RAF1: variants seen among roughly 807,000 people sequenced by gnomAD.
The protein encoded by RAF1 is Raf-1 proto-oncogene, serine/threonine kinase, also known as RAF proto-oncogene serine/threonine-protein kinase.
RAF1 carries 27 observed loss-of-function variants against 81.1 expected under a neutral mutation model. That is an observed-to-expected ratio of 0.33 (90% CI 0.25 to 0.46). RAF1 has a LOEUF of 0.46. RAF1 is among the 20% of genes least tolerant of loss of function. RAF1 has a pLI of 1.00. For synonymous variants in RAF1, 298 were observed against 294.0 expected, an observed-to-expected ratio of 1.01 and a Z score of -0.14; for missense variants, 598 against 826.0, an observed-to-expected ratio of 0.72 and a Z score of 3.38.
chr3:12,642,501 G>C (rs1474492108), intron 1 of RAF1, among the ~76,000 whole-genome samples: 2 of 150,656 alleles, frequency 1.3e-5, no homozygotes, highest in African/African-American at 4.9e-5. Context: ...AACAGAGCGA[G>C]ACTCCATCTC....
intron 1 of RAF1, among the ~76,000 whole-genome samples, chr3:12,647,647 A>G (rs1428421129): frequency 6.6e-6 from 1 of 152,194 alleles, no homozygotes; most frequent in African/African-American, 2.4e-5. Context: ...TGGTCACAAC[A>G]CTGGAAAAAA....
At chr3:12,605,649 A>G (rs1271386462) in intron 6 of RAF1, among the ~76,000 whole-genome samples, 1 of 152,226 alleles carries the variant, frequency 6.6e-6, no homozygotes, top group African/African-American at 2.4e-5. Context: ...TGAGCAGTAG[A>G]TAAACGCAAC....
chr3:12,598,009 CCTTTT>C (rs2058737013), intron 11 of RAF1, among the ~76,000 whole-genome samples: 1 of 54,248 alleles, frequency 1.8e-5, no homozygotes, highest in South Asian at 3.2e-4. Flanking sequence ...ATTTTCTTTT[CCTTTT>C]TTTTTTTTTT....
At position 12,584,496 on chromosome 3, in the gene RAF1, A is replaced by G; in HGVS notation, c.*18T>C. On this transcript the variant is annotated 3_prime_UTR_variant, in exon 18 of 18. Coordinates refer to ENST00000442415, the MANE Select transcript of RAF1 (RefSeq NM_001354689.3). ...TTCTCCTCCTCCCCTGGCAGCCTGA[A>G]GACAGGTGCAAAGTCAACTAGAAGA... is the stretch of plus-strand genomic sequence containing the variant. 6.2e-7 allele frequency: 1 copy of G among 1,614,210 alleles called. No individual in the cohort carries two copies. Among genetic ancestry groups the G allele is most frequent in the Non-Finnish European group, 8.5e-7 (1 of 1,180,042 alleles).
intron 1 of RAF1, among the ~76,000 whole-genome samples, chr3:12,641,265 CAAT>C (rs1401476923): frequency 1.3e-5 from 2 of 151,214 alleles, no homozygotes; most frequent in African/African-American, 2.4e-5. Flanking sequence ...CTAAAGTGAA[CAAT>C]GAGTTAACTA....
At chr3:12,646,608 T>C (rs928609040) in intron 1 of RAF1, among the ~76,000 whole-genome samples, 2 of 151,268 alleles carry the variant, frequency 1.3e-5, no homozygotes, top group African/African-American at 2.4e-5. Context: ...CGGAGTGCAA[T>C]GGCACAATAT....
chr3:12,589,251 T>C (rs189682418), intron 13 of RAF1: 1 of 152,356 alleles, frequency 6.6e-6, no homozygotes, highest in East Asian at 1.9e-4. Context: ...ATAGTGGTGG[T>C]GGCTGCACAA....
chr3:12,624,423 A>G (rs1368994638), intron 1 of RAF1, among the ~76,000 whole-genome samples: 1 of 152,214 alleles, frequency 6.6e-6, no homozygotes, highest in Non-Finnish European at 1.5e-5. Context: ...TCAATCTTAA[A>G]TGGAGATAAT....
intron 4 of RAF1, 21 bp downstream of exon 4, chr3:12,609,212 G>C (rs1320519210): frequency 6.4e-7 from 1 of 1,558,008 alleles, no homozygotes; most frequent in Non-Finnish European, 8.9e-7. Flanking sequence ...ATGCCAGAAA[G>C]AGAAGAGATC....
intron 1 of RAF1, among the ~76,000 whole-genome samples, chr3:12,642,306 AC>A (rs1022661090): frequency 5.6e-5 from 8 of 143,804 alleles, no homozygotes; most frequent in African/African-American, 2.1e-4. Context: ...AAAAAAAAAA[AC>A]CCCAAAAAAC....
intron 1 of RAF1, among the ~76,000 whole-genome samples, chr3:12,626,467 T>G (rs984527543): frequency 6.6e-6 from 1 of 151,710 alleles, no homozygotes; most frequent in South Asian, 2.1e-4. Flanking sequence ...GGCATGCACC[T>G]GTAGACCCAG....
At chr3:12,611,913 C>A (rs1409282552) in intron 3 of RAF1, 37 bp downstream of exon 3, 3 of 1,442,084 alleles carry the variant, frequency 2.1e-6, no homozygotes, top group Non-Finnish European at 2.9e-6. Context: ...AAGATCCTTA[C>A]TAGTCTGAAG....
chr3:12,607,436 T>C (rs1429865736), intron 5 of RAF1, among the ~76,000 whole-genome samples: 2 of 152,116 alleles, frequency 1.3e-5, no homozygotes, highest in Non-Finnish European at 2.9e-5. Flanking sequence ...TTGCTTGAGC[T>C]CAGGAGTTCG....
rs532311388 is a variant in RAF1 at position 12,663,929 on chromosome 3, C to G, written c.-143G>C. ...GGTCACATTCGGCGCGTCCCCAGCC[C>G]AGGGGACGGAGCCCCGAGCAGCCCC... On this transcript the variant is annotated 5_prime_UTR_variant, in exon 1 of 18. Coordinates refer to ENST00000442415, the MANE Select transcript of RAF1 (RefSeq NM_001354689.3). 2.5e-6 allele frequency: 1 copy of G among 398,342 alleles called. No homozygotes were observed. Among genetic ancestry groups the G allele is most frequent in the Non-Finnish European group, 4.4e-6 (1 of 225,834 alleles). The allele number at this position is 398,342 out of a possible 1,614,324, so 24.7% of individuals were successfully genotyped here.
chr3:12,629,784 A>C (rs1007295555), intron 1 of RAF1, among the ~76,000 whole-genome samples: 2 of 151,856 alleles, frequency 1.3e-5, no homozygotes, highest in African/African-American at 4.8e-5. Context: ...TTATACTTTT[A>C]TTTGTTTATT....
intron 3 of RAF1, among the ~76,000 whole-genome samples, chr3:12,610,742 A>G (rs559735406): frequency 7.2e-5 from 11 of 152,368 alleles, no homozygotes; most frequent in South Asian, 2.1e-4. Context: ...GATGAATAAC[A>G]TAAGTGACGC....
At chr3:12,662,402 A>C (rs1229525248) in intron 1 of RAF1, among the ~76,000 whole-genome samples, 1 of 151,458 alleles carries the variant, frequency 6.6e-6, no homozygotes, top group Non-Finnish European at 1.5e-5. Flanking sequence ...AATAAAAAAA[A>C]ATTTAAAAGT....
intron 2 of RAF1, among the ~76,000 whole-genome samples, chr3:12,616,236 G>A (rs2059365401): frequency 6.6e-6 from 1 of 152,144 alleles, no homozygotes; most frequent in Non-Finnish European, 1.5e-5. Context: ...TGTTTTAAAG[G>A]TTCATACACT....
chr3:12,611,492 C>T (rs1043772472), intron 3 of RAF1, among the ~76,000 whole-genome samples: 2 of 152,144 alleles, frequency 1.3e-5, no homozygotes, highest in East Asian at 1.9e-4. Context: ...GTTAAAATTA[C>T]GGGTATTACC....
Sources: gnomAD v4.1 joint callset for allele counts (sites outside exome capture counted in the v4.1 genomes callset) on GRCh38, gnomAD v4.1.1 for gene constraint, MANE v1.5 for transcripts, NCBI Gene and HGNC (gene_info 2026-07-23, HGNC 2026-07-21) for gene names.